Variants in PAQR6 observed in about 807,000 individuals in gnomAD.
The protein encoded by PAQR6 is membrane progestin receptor delta.
Under a neutral mutation model 36.2 loss-of-function variants are expected in PAQR6, and 34 were observed. The observed-to-expected ratio is 0.94, with a 90% CI of 0.71 to 1.25. The LOEUF (loss-of-function observed/expected upper bound fraction) is 1.25, where lower values mean the gene tolerates loss of function less well. PAQR6 is among the 50% of genes most tolerant of loss of function. The probability of loss-of-function intolerance (pLI) is 0.00; values close to 1 mark genes in which losing one functional copy is unlikely to be tolerated. For synonymous variants in PAQR6, 190 were observed against 190.7 expected (o/e 1.00, Z 0.03); for missense variants, 431 against 445.7 (o/e 0.97, Z 0.30).
In PAQR6 at chr1:156,246,722, G is replaced by T; in HGVS notation, c.10C>A (p.Leu4Ile). 1 of 1,613,896 alleles carries T rather than the reference G, an allele frequency of 6.2e-7. No individual in the cohort carries two copies. Among genetic ancestry groups the T allele is most frequent in the Non-Finnish European group, 8.5e-7 (1 of 1,179,924 alleles). ...ACTTGAAGAAGTTGGGGCAGCTTGA[G>T]ACTGAGCATGGTGGCCTGGTACCTC... MLS[L>I]KLPQLLQVHQ... Residue 4 changes from leucine to isoleucine, a missense_variant, in exon 2 of 8, where the codon CTC (leucine) becomes ATC (isoleucine). By Grantham distance (5) the Leu-to-Ile change is conservative (BLOSUM62 2). Coordinates refer to ENST00000292291, the MANE Select transcript of PAQR6 (RefSeq NM_198406.3).
At position 156,243,426 on chromosome 1, in the gene PAQR6, G is replaced by A; in HGVS notation, c.*703C>T. 1 of 534,530 alleles carries A rather than the reference G, an allele frequency of 1.9e-6. No individual in the cohort carries two copies. Among genetic ancestry groups the A allele is most frequent in the Non-Finnish European group, 3.2e-6 (1 of 315,532 alleles). The allele number at this position is 534,530 out of a possible 1,614,324, so 33.1% of individuals were successfully genotyped here. ...TCAGTTCTAGAAAGTGCTTTCCAAA[G>A]TTTTATTTTTTTATTTGTACCTGCC... On this transcript the variant is annotated 3_prime_UTR_variant, in exon 8 of 8. Coordinates refer to ENST00000292291, the MANE Select transcript of PAQR6 (RefSeq NM_198406.3).
In PAQR6 at chr1:156,246,265, G is replaced by C; in HGVS notation, c.52-15C>G. On this transcript the variant is annotated splice_polypyrimidine_tract_variant and intron_variant, in intron 2 of 7. Coordinates refer to ENST00000292291, the MANE Select transcript of PAQR6 (RefSeq NM_198406.3). ...TCCCAGAACACCTAGGGTAGTGGTG[G>C]GAGAGGAAGGGCGTCACTGTGCCCG... 1.3e-6 allele frequency: 2 copies of C among 1,598,222 alleles called. No individual in the cohort carries two copies. Among genetic ancestry groups the C allele is most frequent in the Non-Finnish European group, 1.7e-6 (2 of 1,167,660 alleles).
chr1:156,246,332 A>G (rs1282415630), intron 2 of PAQR6, 82 bp from the exon 3 acceptor site: 17 of 1,334,290 alleles, frequency 1.3e-5, no homozygotes, highest in Admixed American at 7.6e-5. Flanking sequence ...GCAGGGTCAA[A>G]GAGGCTGGGC....
intron 2 of PAQR6, 141 bp downstream of exon 2, chr1:156,246,540 G>A: frequency 9.7e-7 from 1 of 1,027,206 alleles, no homozygotes; most frequent in Non-Finnish European, 1.4e-6. Flanking sequence ...AGAGAACAGA[G>A]GAAGAGTCTC....
At position 156,243,709 on chromosome 1, in the gene PAQR6, G is replaced by A; in HGVS notation, c.*420C>T. 1 of 1,005,128 alleles carries A rather than the reference G, an allele frequency of 9.9e-7. No homozygotes were observed. Among genetic ancestry groups the A allele is most frequent in the Non-Finnish European group, 1.4e-6 (1 of 695,322 alleles). 62.3% of individuals were successfully genotyped at this position (1,005,128 alleles called of 1,614,324 possible). ...GGGCAAGTGTGTGGCCTCTCGGCCT[G>A]GTTAGCAAGAAGCATTCAGGGTAGG... is the stretch of plus-strand genomic sequence containing the variant. On this transcript the variant is annotated 3_prime_UTR_variant, in exon 8 of 8. Coordinates refer to ENST00000292291, the MANE Select transcript of PAQR6 (RefSeq NM_198406.3).
At chr1:156,244,937 G>A (rs752232732) in intron 6 of PAQR6, 26 bp from the exon 7 acceptor site, 8 of 1,607,220 alleles carry the variant, frequency 5.0e-6, no homozygotes, top group Non-Finnish European at 6.8e-6. Context: ...CAAGGCTGCT[G>A]GGGAGGGACT....
chr1:156,247,853 G>A (rs1311136931), intron 1 of PAQR6, 104 bp downstream of exon 1: 2 of 363,680 alleles, frequency 5.5e-6, no homozygotes, highest in African/African-American at 4.3e-5. Context: ...GAGATCTCTG[G>A]AGTGGAGTGT....
chr1:156,246,213 C>A lies in PAQR6; in HGVS notation c.89G>T (p.Arg30Leu). 6.2e-7 allele frequency: 1 copy of A among 1,613,632 alleles called. No individual in the cohort carries two copies. The highest frequency in any genetic ancestry group is 8.5e-7 in the Non-Finnish European group (1 of 1,179,956). ...ACAGTCCAAAGCCGAGCTGGTGGGGCGGCGGTAGCCAGACATGATGCCATC... is the reference window on the plus strand; with the variant it reads ...ACAGTCCAAAGCCGAGCTGGTGGGGAGGCGGTAGCCAGACATGATGCCATC... ...WEDGIMSGYR[R>L]PTSSALDCVL... Residue 30 changes from arginine (R) to leucine (L), a missense_variant, in exon 3 of 8, where the codon CGC becomes CTC. Physicochemically the swap from Arg to Leu is moderately radical, Grantham distance 102 (BLOSUM62 -2). Transcript: ENST00000292291.
Position 156,244,884 on chromosome 1 carries a change from C to T in PAQR6, c.637G>A (p.Gly213Ser), listed in dbSNP as rs199911297. The T allele has an allele frequency of 1.6e-4, 264 of 1,613,004 alleles. No individual in the cohort carries two copies. The highest frequency in any genetic ancestry group is 1.1e-3 in the East Asian group (48 of 44,880). ...GTGCTCAGGGCCTCCTGCCCACAGC[C>T]GTGGCCCCTGCCCCAGCACAGCCCG... is the stretch of plus-strand genomic sequence containing the variant. The part of the protein sequence containing the change: ...RLGLCWGRGH[G>S]CGQEALSTSH... The change falls in exon 7 of 8, where the codon GGC (glycine) becomes AGC (serine). Residue 213 changes from glycine (G) to serine (S), a missense_variant. Gly to Ser is a moderately conservative substitution (Grantham distance 56). Transcript: ENST00000292291.
In PAQR6 at chr1:156,245,745, C is replaced by T. The variant is rs780380507; in HGVS notation, c.385+37G>A. On this transcript the variant is annotated intron_variant, in intron 4 of 7. Transcript: ENST00000292291. ...TCCCACCCCTCGCCCCGCTCCGGGA[C>T]GCCCAGACCCCGCGCTCCCGCGCCT... 1.4e-5 allele frequency: 22 copies of T among 1,570,126 alleles called. No individual in the cohort carries two copies. The South Asian group carries it at 1.8e-4, about 13-fold the overall frequency.
intron 1 of PAQR6, among the ~76,000 whole-genome samples, chr1:156,247,285 C>A (rs1660717449): frequency 6.6e-6 from 1 of 152,202 alleles, no homozygotes; most frequent in African/African-American, 2.4e-5. Flanking sequence ...ACACTTGTGC[C>A]CCCAGGAGAA....
At position 156,245,600 on chromosome 1, in the gene PAQR6, G is replaced by A. The variant is rs1660279600; in HGVS notation, c.447C>T (p.His149=). 1.2e-6 allele frequency: 2 copies of A among 1,613,198 alleles called. No homozygotes were observed. The highest frequency in any genetic ancestry group is 2.7e-5 in the African/African-American group (2 of 75,042). The change falls in exon 5 of 8, where the codon CAC becomes CAT. Residue 149 remains histidine (H), a synonymous_variant. Transcript: ENST00000292291. ...GTGCGGCGGCAGGCACAAAGAACTG[G>A]TGCAGGTGGCCGTGCAGCCAGGAGG... ...MPASWLHGHL[H]QFFVPAAALN... is the part of the protein sequence containing the mutation.
Position 156,246,745 on chromosome 1 carries a change from C to A in PAQR6, c.-14G>T. ...GAGACTGAGCATGGTGGCCTGGTACCTCCACGTTGACCTAGAGACAGAGTG... is the reference window on the plus strand; with the variant it reads ...GAGACTGAGCATGGTGGCCTGGTACATCCACGTTGACCTAGAGACAGAGTG... On this transcript the variant is annotated 5_prime_UTR_variant, in exon 2 of 8. In the 5' UTR this introduces an upstream ATG that the reference lacks. Transcript: ENST00000292291. The A allele has an allele frequency of 6.2e-7, 1 of 1,613,412 alleles. No homozygotes were observed. The highest frequency in any genetic ancestry group is 1.1e-5 in the South Asian group (1 of 90,950).
intron 1 of PAQR6, chr1:156,247,632 G>A (rs1021580302): frequency 4.3e-5 from 7 of 161,684 alleles, no homozygotes; most frequent in African/African-American, 1.7e-4. Context: ...TGGAGACCCT[G>A]CTGGGCAAAG....
rs1306190546 is a variant in PAQR6, at chr1:156,244,221, C to T, written c.943G>A (p.Ala315Thr). 8 of 1,613,590 alleles carry T rather than the reference C, an allele frequency of 5.0e-6. No homozygotes were observed. The highest frequency in any genetic ancestry group is 6.8e-6 in the Non-Finnish European group (8 of 1,179,802). ...GCCCGAAGCAGGGTGGCTGTGAAAG[C>T]AGCAATAATGAGTAGGTTCCCAGCT... ...AAAGNLLIIA[A>T]FTATLLRAPS... The change falls in exon 8 of 8, where the codon GCT becomes ACT. Residue 315 changes from alanine (A) to threonine (T), a missense_variant. Physicochemically the swap from Ala to Thr is moderately conservative, Grantham distance 58 (BLOSUM62 0). Coordinates refer to ENST00000292291, the MANE Select transcript of PAQR6 (RefSeq NM_198406.3).
intron 4 of PAQR6, 36 bp downstream of exon 4, chr1:156,245,746 G>A: frequency 1.9e-6 from 3 of 1,571,016 alleles, no homozygotes; most frequent in Non-Finnish European, 2.6e-6. Context: ...GCTCCGGGAC[G>A]CCCAGACCCC....
At chr1:156,247,537 C>T (rs1435216812) in intron 1 of PAQR6, 2 of 153,154 alleles carry the variant, frequency 1.3e-5, no homozygotes, top group African/African-American at 4.8e-5. Context: ...CTTCTTGCCA[C>T]CAGCTCTGCA....
chr1:156,247,887 GA>G, intron 1 of PAQR6, 69 bp downstream of exon 1: 1 of 396,102 alleles, frequency 2.5e-6, no homozygotes, highest in Non-Finnish European at 5.4e-6. Context: ...GGAAATGGGG[GA>G]GGGGTGGCTG....
intron 3 of PAQR6, 45 bp downstream of exon 3, chr1:156,246,078 C>T (rs772516907): frequency 2.7e-5 from 43 of 1,605,852 alleles, no homozygotes; most frequent in Non-Finnish European, 3.6e-5. Flanking sequence ...CCTGGGTACC[C>T]CCTCTGAGCT....
Sources: allele counts gnomAD v4.1 joint callset (sites outside exome capture counted in the v4.1 genomes callset), GRCh38; gene constraint gnomAD v4.1.1; transcripts MANE v1.5; gene names NCBI Gene and HGNC (gene_info 2026-07-23, HGNC 2026-07-21).